CA4: variants seen among roughly 807,000 people sequenced by gnomAD.
CA4 encodes the protein CA-IV.
Under a neutral mutation model 34.5 loss-of-function variants are expected in CA4, and 24 were observed. The ratio of observed to expected loss-of-function variants is 0.70; its 90% CI spans 0.50 to 0.98. The LOEUF (loss-of-function observed/expected upper bound fraction) is 0.98. Ranked by LOEUF, CA4 falls within the 50% of genes least tolerant of loss-of-function variation. The pLI is 0.00. For missense variants in CA4, 394 were observed against 396.7 expected (o/e 0.99, Z 0.06); for synonymous variants, 178 against 170.6 (o/e 1.04, Z -0.34).
At chr17:60,160,676 T>C (rs893266020), downstream of CA4, among the ~76,000 whole-genome samples, 6 of 150,052 alleles carry the variant, frequency 4.0e-5, no homozygotes, top group African/African-American at 1.5e-4. Context: ...GGCAGGAGAA[T>C]TGAGGCAGAG....
chr17:60,172,556 T>C (rs2145315689), downstream of CA4, among the ~76,000 whole-genome samples: 1 of 152,280 alleles, frequency 6.6e-6, no homozygotes, highest in Non-Finnish European at 1.5e-5. Context: ...CTAAAATAGA[T>C]ACATATGTGC....
the CA4 span, among the ~76,000 whole-genome samples, chr17:60,177,417 G>C: frequency 6.6e-6 from 1 of 152,168 alleles, no homozygotes; most frequent in Non-Finnish European, 1.5e-5. Context: ...GTTTTATACA[G>C]TAATTTACAA....
the CA4 span, among the ~76,000 whole-genome samples, chr17:60,178,033 GAAGT>G: frequency 3.0e-4 from 46 of 152,116 alleles, no homozygotes; most frequent in African/African-American, 1.1e-3. Flanking sequence ...AGAAAAAAAT[GAAGT>G]AAGCAAAGAA....
downstream of CA4, among the ~76,000 whole-genome samples, chr17:60,161,931 G>A (rs1486485415): frequency 6.6e-6 from 1 of 151,686 alleles, no homozygotes; most frequent in Non-Finnish European, 1.5e-5. Context: ...CAATGGCACT[G>A]CATCCCCACC....
rs867271887 is a variant in CA4, at chr17:60,157,724, C to G, written c.449C>G (p.Ser150Trp). The G allele has an allele frequency of 6.2e-7, 1 of 1,613,888 alleles. No individual in the cohort carries two copies. The highest frequency in any genetic ancestry group is 8.5e-7 in the Non-Finnish European group (1 of 1,179,908). Residue 150 changes from serine to tryptophan, a missense_variant, in exon 5 of 8, where the codon TCG (serine) becomes TGG (tryptophan). Physicochemically the swap from Ser to Trp is radical, Grantham distance 177 (BLOSUM62 -3). Coordinates refer to ENST00000300900, the MANE Select transcript of CA4 (RefSeq NM_000717.5). ...GTACATGAGAAAGAGAAGGGGACATCGAGGAATGTGAAAGAGGCCCAGGAC... is the reference window on the plus strand; with the variant it reads ...GTACATGAGAAAGAGAAGGGGACATGGAGGAATGTGAAAGAGGCCCAGGAC... ...HIVHEKEKGT[S>W]RNVKEAQDPE...
At chr17:60,156,879 C>G (rs1324955956) in intron 3 of CA4, 164 bp downstream of exon 3, 3 of 698,060 alleles carry the variant, frequency 4.3e-6, no homozygotes, top group African/African-American at 1.8e-5. Context: ...AGAGAGCACT[C>G]TAGTATGTTT....
At chr17:60,164,574 A>G (rs963696496) in intron 5 of CA4, among the ~76,000 whole-genome samples, 3 of 151,864 alleles carry the variant, frequency 2.0e-5, no homozygotes, top group Non-Finnish European at 2.9e-5. Flanking sequence ...TATTTTTAGT[A>G]GAGATGGGGT....
At chr17:60,164,104 G>C (rs1459919594), downstream of CA4, among the ~76,000 whole-genome samples, 9 of 149,632 alleles carry the variant, frequency 6.0e-5, no homozygotes, top group Admixed American at 5.3e-4. Context: ...GAGGGACCCT[G>C]TCTCAAAAAA....
chr17:60,174,002 GAACAT>G (rs1303974212), downstream of CA4, among the ~76,000 whole-genome samples: 4 of 152,110 alleles, frequency 2.6e-5, no homozygotes, highest in African/African-American at 9.7e-5. Flanking sequence ...TAATGAACTT[GAACAT>G]AACATTATTG....
At position 60,158,897 on chromosome 17, in the gene CA4, G is replaced by A; in HGVS notation, c.745-333G>A. 9.1e-6 allele frequency: 4 copies of A among 438,954 alleles called. No individual in the cohort carries two copies. In the Admixed American group the frequency reaches 1.5e-4, roughly 16 times the overall value. 27.2% of individuals were successfully genotyped at this position (438,954 alleles called of 1,614,324 possible). On this transcript the variant is annotated intron_variant, in intron 7 of 7. Transcript: ENST00000300900. ...CTGGGGGTGGAGCCCAGGCATCTGG[G>A]GCCCAACAAGCCCGCCCCCCAGCTG...
chr17:60,152,116 C>A (rs915403731), intron 1 of CA4, among the ~76,000 whole-genome samples: 1 of 152,098 alleles, frequency 6.6e-6, no homozygotes, highest in African/African-American at 2.4e-5. Flanking sequence ...GACTGACTTT[C>A]GGTCTCTAAC....
downstream of CA4, among the ~76,000 whole-genome samples, chr17:60,159,704 C>T (rs1015009962): frequency 1.3e-5 from 2 of 152,140 alleles, no homozygotes; most frequent in African/African-American, 2.4e-5. Context: ...ATGTGAATTC[C>T]GTGTCTATAC....
At chr17:60,155,219 C>T in intron 1 of CA4, 95 bp from the exon 2 acceptor site, 1 of 1,203,988 alleles carries the variant, frequency 8.3e-7, no homozygotes, top group Non-Finnish European at 1.2e-6. Context: ...AAGAGGGGCT[C>T]CAACCCCAGG....
chr17:60,157,454 G>A lies in CA4; in HGVS notation c.296G>A (p.Ser99Asn). Reference sequence around the variant, plus strand: ...ATGATGTTGCTGGAGAACAAGGCCAGCATTTCTGGAGGAGGACTGCCTGCC... The same window carrying A: ...ATGATGTTGCTGGAGAACAAGGCCAACATTTCTGGAGGAGGACTGCCTGCC... ...SVMMLLENKA[S>N]ISGGGLPAPY... The change falls in exon 4 of 8, where the codon AGC (serine) becomes AAC (asparagine). Residue 99 changes from serine (S) to asparagine (N), a missense_variant. Transcript: ENST00000300900. The A allele has an allele frequency of 1.2e-5, 20 of 1,614,194 alleles. No homozygotes were observed. The highest frequency in any genetic ancestry group is 1.6e-5 in the Non-Finnish European group (19 of 1,180,024).
intron 1 of CA4, among the ~76,000 whole-genome samples, chr17:60,154,108 AGCTTTG>A (rs951189544): frequency 6.6e-6 from 1 of 152,092 alleles, no homozygotes; most frequent in Non-Finnish European, 1.5e-5. Flanking sequence ...CAGAGACCTC[AGCTTTG>A]GCTGAGTGGG....
At chr17:60,157,610 C>T in intron 4 of CA4, 38 bp downstream of exon 4, 1 of 1,614,138 alleles carries the variant, frequency 6.2e-7, no homozygotes. Context: ...TGTCTGGGCT[C>T]TGGGCGCGCA....
chr17:60,174,969 C>T (rs1222980084), downstream of CA4, among the ~76,000 whole-genome samples: 1 of 152,204 alleles, frequency 6.6e-6, no homozygotes, highest in Non-Finnish European at 1.5e-5. Flanking sequence ...GAAGACCTCT[C>T]TCAACGCATA....
At chr17:60,156,840 T>G in intron 3 of CA4, 125 bp downstream of exon 3, 1 of 887,302 alleles carries the variant, frequency 1.1e-6, no homozygotes, top group Non-Finnish European at 1.9e-6. Context: ...TGGCTGAAAA[T>G]CCCATGGGGG....
downstream of CA4, among the ~76,000 whole-genome samples, chr17:60,160,512 C>T (rs899055597): frequency 6.6e-6 from 1 of 151,702 alleles, no homozygotes; most frequent in Non-Finnish European, 1.5e-5. Flanking sequence ...GCCTGTAATT[C>T]CAGCACTTTG....
Sources: gnomAD v4.1 joint callset for allele counts (sites outside exome capture counted in the v4.1 genomes callset) on GRCh38, gnomAD v4.1.1 for gene constraint, MANE v1.5 for transcripts, NCBI Gene and HGNC (gene_info 2026-07-23, HGNC 2026-07-21) for gene names.